The following TMEM64 variants were observed in gnomAD, a reference collection of about 807,000 sequenced individuals.
TMEM64 encodes transmembrane protein 64.
In TMEM64, 19 loss-of-function variants were observed where a neutral mutation model predicts 24.5. The observed-to-expected ratio is 0.78, with a 90% confidence interval of 0.54 to 1.14. TMEM64 has a LOEUF of 1.14. TMEM64 is among the 50% of genes most tolerant of loss of function. TMEM64 has a pLI of 0.00. For missense variants in TMEM64, 487 were observed against 493.0 expected, an observed-to-expected ratio of 0.99 and a Z score of 0.12; for synonymous variants, 262 against 224.7, an observed-to-expected ratio of 1.17 and a Z score of -1.49.
chr8:90,640,802 T>C (rs1809593138), intron 1 of TMEM64, among the ~76,000 whole-genome samples: 1 of 152,226 alleles, frequency 6.6e-6, no homozygotes, highest in Non-Finnish European at 1.5e-5. Flanking sequence ...TTTCAGTCAG[T>C]ACCAGTTTCA....
intron 1 of TMEM64, among the ~76,000 whole-genome samples, chr8:90,634,912 A>G (rs1304254819): frequency 6.6e-6 from 1 of 152,210 alleles, no homozygotes; most frequent in African/African-American, 2.4e-5. Context: ...ATCATTTCAC[A>G]TTTTCAGTAA....
In TMEM64 at chr8:90,645,960, T is replaced by G; in HGVS notation, c.-55A>C. The G allele has an allele frequency of 1.0e-6, 1 of 992,816 alleles. No homozygotes were observed. Among genetic ancestry groups the G allele is most frequent in the Non-Finnish European group, 1.2e-6 (1 of 807,470 alleles). 61.5% of individuals were successfully genotyped at this position (992,816 alleles called of 1,614,324 possible). A position where few individuals can be genotyped will look rare whatever the true frequency, so the allele number is the denominator to read the frequency against. On this transcript the variant is annotated 5_prime_UTR_variant, in exon 1 of 3. Transcript: ENST00000458549. The surrounding 1 kb of genome is among the most constrained non-coding windows in gnomAD (Gnocchi z 4.2). ...CCAGCCCCTCCGCCGCGGCGCCCGTTAGGCAGCTGCCCTTCATGGCGCCCG... is the reference window on the plus strand; with the variant it reads ...CCAGCCCCTCCGCCGCGGCGCCCGTGAGGCAGCTGCCCTTCATGGCGCCCG...
At chr8:90,639,566 G>A (rs1809571607) in intron 1 of TMEM64, among the ~76,000 whole-genome samples, 2 of 152,070 alleles carry the variant, frequency 1.3e-5, no homozygotes, top group Non-Finnish European at 2.9e-5. Flanking sequence ...CCAGTTCTAA[G>A]CAGAATAAAA....
At chr8:90,639,266 T>C (rs1809567111) in intron 1 of TMEM64, among the ~76,000 whole-genome samples, 1 of 152,130 alleles carries the variant, frequency 6.6e-6, no homozygotes. Context: ...ATGCAAGCTT[T>C]TTCATGACTT....
intron 1 of TMEM64, among the ~76,000 whole-genome samples, chr8:90,638,830 T>C (rs1185391145): frequency 6.6e-6 from 1 of 152,038 alleles, no homozygotes; most frequent in Non-Finnish European, 1.5e-5. Flanking sequence ...TAAATGAAAA[T>C]TAGCTTATTA....
intron 1 of TMEM64, among the ~76,000 whole-genome samples, chr8:90,635,572 G>A (rs1168621032): frequency 6.6e-6 from 1 of 151,934 alleles, no homozygotes; most frequent in Non-Finnish European, 1.5e-5. Context: ...ACTTGTTGGG[G>A]CCTTGGATAA....
chr8:90,634,832 A>G (rs970371061), intron 1 of TMEM64, among the ~76,000 whole-genome samples: 4 of 152,214 alleles, frequency 2.6e-5, no homozygotes. Flanking sequence ...ACTTTTTTAC[A>G]AATTTTAAAA....
At position 90,639,791 on chromosome 8, in the gene TMEM64, A is replaced by C. The variant is rs375940937; in HGVS notation, c.795+5320T>G. Among the ~76,000 whole-genome samples, 145 of 152,330 alleles carry C rather than the reference A, an allele frequency of 9.5e-4. 4 individuals carry two copies. The South Asian group carries it at 0.027, about 29-fold the overall frequency. On this transcript the variant is annotated intron_variant, in intron 1 of 2. Coordinates refer to ENST00000458549, the MANE Select transcript of TMEM64 (RefSeq NM_001008495.4). ...TTTCTTTGTACTTGCTATACTTTTC[A>C]AAGTTTTTACAATGAATACATACAG... is the stretch of plus-strand genomic sequence containing the variant.
In TMEM64 at chr8:90,622,341, A is replaced by G. The variant is rs1260414723; in HGVS notation, c.*3330T>C. On this transcript the variant is annotated 3_prime_UTR_variant, in exon 3 of 3. Transcript: ENST00000458549. Reference sequence around the variant, plus strand: ...ATTACAACAGAAATCGACCAATCTAAAAATCAGATAGTGTTATACTGAACA... The same window carrying G: ...ATTACAACAGAAATCGACCAATCTAGAAATCAGATAGTGTTATACTGAACA... 6.6e-6 allele frequency: 1 copy of G among 152,222 alleles called. No homozygotes were observed. Among genetic ancestry groups the G allele is most frequent in the African/African-American group, 2.4e-5 (1 of 41,458 alleles). The allele number at this position is 152,222 out of a possible 1,614,324, so 9.4% of individuals were successfully genotyped here. A position where few individuals can be genotyped will look rare whatever the true frequency, so the allele number is the denominator to read the frequency against.
Position 90,645,305 on chromosome 8 carries a change from C to A in TMEM64, c.601G>T (p.Gly201Cys). 1 of 1,581,012 alleles carries A rather than the reference C, an allele frequency of 6.3e-7. No homozygotes were observed. The highest frequency in any genetic ancestry group is 8.6e-7 in the Non-Finnish European group (1 of 1,163,248). ...FVLGMGLMMV[G>C]VLIGTFIAHV... ...GCGATGAAGGTGCCGATGAGGACGCCCACCATCATCAGACCCATGCCCAGC... is the reference window on the plus strand; with the variant it reads ...GCGATGAAGGTGCCGATGAGGACGCACACCATCATCAGACCCATGCCCAGC... Residue 201 changes from glycine to cysteine, a missense_variant, in exon 1 of 3, where the codon GGC becomes TGC. By Grantham distance (159) the Gly-to-Cys change is radical. Around this residue, in one of 3 missense-constraint regions of TMEM64, gnomAD observed 419 missense variants for 407.5 expected, o/e 1.03. Coordinates refer to ENST00000458549, the MANE Select transcript of TMEM64 (RefSeq NM_001008495.4). The surrounding 1 kb of genome is among the most constrained non-coding windows in gnomAD (Gnocchi z 4.2).
chr8:90,640,355 A>C (rs78495083), intron 1 of TMEM64, among the ~76,000 whole-genome samples: 2,461 of 152,318 alleles, frequency 0.016, 70 homozygotes, highest in African/African-American at 0.055. Context: ...CATATTACAG[A>C]ATAAGAACTC....
At chr8:90,636,531 C>T (rs966440174) in intron 1 of TMEM64, among the ~76,000 whole-genome samples, 35 of 152,302 alleles carry the variant, frequency 2.3e-4, no homozygotes, top group African/African-American at 7.0e-4. Flanking sequence ...TGGGATTACA[C>T]GCGTGAGCCA....
chr8:90,625,829 C>G lies in TMEM64; in HGVS notation c.985G>C (p.Val329Leu), dbSNP rs1162695064. The G allele has an allele frequency of 6.2e-7, 1 of 1,613,168 alleles. No individual in the cohort carries two copies. The highest frequency in any genetic ancestry group is 8.5e-7 in the Non-Finnish European group (1 of 1,179,558). ...TTCAATTCCACTTGAGCTCGATGAA[C>G]TACATAAAACATGAGGCCTATACTT... is the stretch of plus-strand genomic sequence containing the variant. ...IISIGLMFYV[V>L]HRAQVELNAA... The change falls in exon 3 of 3, where the codon GTT (valine) becomes CTT (leucine). Residue 329 changes from valine to leucine, a missense_variant. This residue lies in a region of TMEM64 where 10 missense variants were observed against 27.3 expected (regional missense o/e 0.37). Transcript: ENST00000458549.
In TMEM64 at chr8:90,645,427, AC is replaced by A; in HGVS notation, c.478del (p.Val160SerfsTer38). On this transcript the variant is annotated frameshift_variant, in exon 1 of 3. Coordinates refer to ENST00000458549, the MANE Select transcript of TMEM64 (RefSeq NM_001008495.4). LOFTEE classifies it high-confidence loss of function. The surrounding 1 kb of genome is among the most constrained non-coding windows in gnomAD (Gnocchi z 4.2). ...GATGAAGCCCACGACGAAGAGCAGG[AC>A]CCCCAGCAGCGAGTCAAGGCTCTCC... ...WVESLDSLLG[V>X]LLFVVGFIVV... 7 of 1,551,544 alleles carry A rather than the reference AC, an allele frequency of 4.5e-6. No individual in the cohort carries two copies. Among genetic ancestry groups the A allele is most frequent in the Non-Finnish European group, 6.1e-6 (7 of 1,147,004 alleles).
intron 1 of TMEM64, among the ~76,000 whole-genome samples, chr8:90,635,220 T>G (rs2130503280): frequency 6.6e-6 from 1 of 151,980 alleles, no homozygotes; most frequent in African/African-American, 2.4e-5. Flanking sequence ...GTTGTAGAAG[T>G]GGAAACCAAA....
At position 90,646,023 on chromosome 8, in the gene TMEM64, G is replaced by A. The variant is rs1293095219; in HGVS notation, c.-118C>T. 1 of 415,402 alleles carries A rather than the reference G, an allele frequency of 2.4e-6. No homozygotes were observed. Among genetic ancestry groups the A allele is most frequent in the African/African-American group, 2.2e-5 (1 of 46,364 alleles). 25.7% of individuals were successfully genotyped at this position (415,402 alleles called of 1,614,324 possible). A position where few individuals can be genotyped will look rare whatever the true frequency, so the allele number is the denominator to read the frequency against. Reference sequence around the variant, plus strand: ...TCGACTCCCTGCGTCCGCTCAGAGGGTGGGAGACGGCCCGTAGAAGGGCGC... The same window carrying A: ...TCGACTCCCTGCGTCCGCTCAGAGGATGGGAGACGGCCCGTAGAAGGGCGC... On this transcript the variant is annotated 5_prime_UTR_variant, in exon 1 of 3. Coordinates refer to ENST00000458549, the MANE Select transcript of TMEM64 (RefSeq NM_001008495.4).
chr8:90,643,785 G>A (rs767502971), intron 1 of TMEM64, among the ~76,000 whole-genome samples: 2 of 152,188 alleles, frequency 1.3e-5, no homozygotes, highest in Non-Finnish European at 2.9e-5. Flanking sequence ...TTAAGACTAA[G>A]ACTATACCAA....
chr8:90,645,765 G>T lies in TMEM64; in HGVS notation c.141C>A (p.Pro47=). The part of the protein sequence containing the change: ...AGGDGPADRL[P]RGGGASAAAA... ...CCGCCGCGCTCGCCCCGCCCCCGCG[G>T]GGAAGGCGGTCCGCCGGGCCGTCCC... The change falls in exon 1 of 3, where the codon CCC becomes CCA. Residue 47 remains proline, a synonymous_variant. Transcript: ENST00000458549. This position sits in a 1 kb window ranked among gnomAD's most constrained non-coding sequence, Gnocchi z 4.2. 1 of 1,045,052 alleles carries T rather than the reference G, an allele frequency of 9.6e-7. No homozygotes were observed. The highest frequency in any genetic ancestry group is 1.1e-6 in the Non-Finnish European group (1 of 870,894). 64.7% of individuals were successfully genotyped at this position (1,045,052 alleles called of 1,614,324 possible).
rs1586133482 is a variant in TMEM64, at chr8:90,645,480, G to C, written c.426C>G (p.Arg142=). 9 of 1,551,364 alleles carry C rather than the reference G, an allele frequency of 5.8e-6. No homozygotes were observed. Among genetic ancestry groups the C allele is most frequent in the Non-Finnish European group, 6.1e-6 (7 of 1,147,018 alleles). The part of the protein sequence containing the change: ...LCFASLALVR[R]YLHHLLLWVE... ...CCCACAGCAGGAGGTGGTGAAGGTA[G>C]CGGCGGACCAGGGCCAGGGAAGCGA... The change falls in exon 1 of 3, where the codon CGC becomes CGG. Residue 142 remains arginine (R), a synonymous_variant. Coordinates refer to ENST00000458549, the MANE Select transcript of TMEM64 (RefSeq NM_001008495.4). The surrounding 1 kb of genome is among the most constrained non-coding windows in gnomAD (Gnocchi z 4.2).
Sources: gnomAD v4.1 joint callset for allele counts (sites outside exome capture counted in the v4.1 genomes callset) on GRCh38, gnomAD v4.1.1 for gene constraint, gnomAD v4.1.1 regional missense constraint, Gnocchi (gnomAD v3.1) non-coding constraint, MANE v1.5 for transcripts, NCBI Gene and HGNC (gene_info 2026-07-23, HGNC 2026-07-21) for gene names.